Variants in TMEM132C observed in about 807,000 individuals in gnomAD.
TMEM132C encodes the protein protein phosphatase 1, regulatory subunit 152.
TMEM132C carries 29 observed loss-of-function variants against 61.4 expected under a neutral mutation model. The ratio of observed to expected loss-of-function variants is 0.47; its 90% CI spans 0.35 to 0.64. The LOEUF is 0.64. Ranked by LOEUF, TMEM132C falls within the 30% of genes least tolerant of loss-of-function variation. TMEM132C has a pLI of 0.00. For synonymous variants in TMEM132C, 656 were observed against 633.1 expected (o/e 1.04, Z -0.54); for missense variants, 1,408 against 1,476.9 (o/e 0.95, Z 0.76).
intron 3 of TMEM132C, among the ~76,000 whole-genome samples, chr12:128,545,265 C>T (rs1012897936): frequency 2.0e-5 from 3 of 152,180 alleles, no homozygotes; most frequent in Admixed American, 2.0e-4. Context: ...GGATAATGGC[C>T]TCCAGCTGCA....
intron 1 of TMEM132C, among the ~76,000 whole-genome samples, chr12:128,315,452 C>T (rs976925840): frequency 1.3e-5 from 2 of 152,000 alleles, no homozygotes; most frequent in African/African-American, 2.4e-5. Context: ...GAAAACCGCG[C>T]CATTTCAGAT....
chr12:128,698,855 A>C (rs1373250959), intron 8 of TMEM132C, among the ~76,000 whole-genome samples: 2 of 152,182 alleles, frequency 1.3e-5, no homozygotes, highest in African/African-American at 2.4e-5. Context: ...TGTGGCTGGG[A>C]CAGGCGACAG....
chr12:128,663,285 G>A (rs190809476), intron 4 of TMEM132C, among the ~76,000 whole-genome samples: 81 of 152,258 alleles, frequency 5.3e-4, no homozygotes, highest in Admixed American at 1.4e-3. Context: ...CACTAATGCC[G>A]TTCTGTCTGC....
At chr12:128,508,778 G>T (rs370763155) in intron 2 of TMEM132C, among the ~76,000 whole-genome samples, 8 of 152,112 alleles carry the variant, frequency 5.3e-5, no homozygotes, top group East Asian at 3.9e-4. Context: ...GTTGACACCC[G>T]TGCTCCCTCC....
intron 3 of TMEM132C, among the ~76,000 whole-genome samples, chr12:128,568,484 GTGGACTGGGCATTAT>G (rs1409739083): frequency 2.0e-5 from 3 of 152,120 alleles, no homozygotes; most frequent in Admixed American, 6.5e-5. Flanking sequence ...TGTACTTGCC[GTGGACTGGGCATTAT>G]TCTAAGCACT....
At chr12:128,407,188 A>T (rs1875374255) in intron 1 of TMEM132C, among the ~76,000 whole-genome samples, 1 of 152,184 alleles carries the variant, frequency 6.6e-6, no homozygotes, top group Non-Finnish European at 1.5e-5. Flanking sequence ...GATAGTGAAT[A>T]AGTCTCACAA....
Position 128,570,622 on chromosome 12 carries a change from G to A in TMEM132C, c.1121+26519G>A, listed in dbSNP as rs112049763. On this transcript the variant is annotated intron_variant, in intron 3 of 8. Coordinates refer to ENST00000435159, the MANE Select transcript of TMEM132C (RefSeq NM_001136103.3). The surrounding 1 kb of genome is among the most constrained non-coding windows in gnomAD (Gnocchi z 4.7). ...GTGGCTGGCTCAGTGTCTCCACAAC[G>A]CCAGGGGACCCAGGCTCCTTTTCTC... Among the ~76,000 whole-genome samples the A allele has an allele frequency of 1.3e-5, 2 of 151,884 alleles. No homozygotes were observed. The highest frequency in any genetic ancestry group is 2.4e-5 in the African/African-American group (1 of 41,322).
chr12:128,670,742 G>A (rs1243424311), intron 5 of TMEM132C, among the ~76,000 whole-genome samples: 4 of 152,142 alleles, frequency 2.6e-5, no homozygotes, highest in Non-Finnish European at 5.9e-5. Context: ...AGCTAAGCAG[G>A]TAACTTCAAT....
intron 2 of TMEM132C, among the ~76,000 whole-genome samples, chr12:128,460,374 A>G (rs894575808): frequency 1.3e-5 from 2 of 152,202 alleles, no homozygotes; most frequent in African/African-American, 4.8e-5. Flanking sequence ...GGTGGCCACC[A>G]GCAAATCCAG....
intron 1 of TMEM132C, among the ~76,000 whole-genome samples, chr12:128,321,314 G>A (rs1872326358): frequency 1.3e-5 from 2 of 152,138 alleles, no homozygotes; most frequent in Admixed American, 1.3e-4. Context: ...GGAGGAAACT[G>A]TCGATACTCA....
chr12:128,544,278 C>G (rs1873871045), intron 3 of TMEM132C, among the ~76,000 whole-genome samples, 175 bp downstream of exon 3: 2 of 152,360 alleles, frequency 1.3e-5, no homozygotes, highest in Middle Eastern at 3.4e-3. Flanking sequence ...GCCTCTGCAG[C>G]AGGGCGGGGT....
intron 2 of TMEM132C, among the ~76,000 whole-genome samples, chr12:128,423,437 G>C (rs1002298302): frequency 6.6e-6 from 1 of 152,218 alleles, no homozygotes; most frequent in African/African-American, 2.4e-5. Context: ...AAACAAACAG[G>C]ATGAAGGGTG....
At chr12:128,506,873 C>T (rs185232715) in intron 2 of TMEM132C, among the ~76,000 whole-genome samples, 72 of 152,276 alleles carry the variant, frequency 4.7e-4, no homozygotes, top group Non-Finnish European at 9.3e-4. Flanking sequence ...GAGTGCTGGA[C>T]GGTGTGACCA....
At chr12:128,385,466 G>T (rs190230689) in intron 1 of TMEM132C, among the ~76,000 whole-genome samples, 3 of 152,068 alleles carry the variant, frequency 2.0e-5, no homozygotes, top group African/African-American at 7.2e-5. Flanking sequence ...TCAAGTCCTC[G>T]CACAGAGCCT....
chr12:128,526,555 G>A (rs1873093052), intron 2 of TMEM132C, among the ~76,000 whole-genome samples: 1 of 152,206 alleles, frequency 6.6e-6, no homozygotes, highest in Non-Finnish European at 1.5e-5. Context: ...TCCGACTATA[G>A]CATCCTTCCG....
intron 3 of TMEM132C, among the ~76,000 whole-genome samples, chr12:128,589,056 G>A (rs919496973): frequency 3.3e-5 from 5 of 152,218 alleles, no homozygotes; most frequent in Admixed American, 2.0e-4. Context: ...AAAGCAGTAT[G>A]ACCAACGACC....
chr12:128,384,806 A>T (rs945782386), intron 1 of TMEM132C, among the ~76,000 whole-genome samples: 21 of 152,212 alleles, frequency 1.4e-4, no homozygotes, highest in African/African-American at 5.1e-4. Context: ...ACTTTCAAGT[A>T]AGTATCCACC....
At chr12:128,380,034 T>G (rs911117725) in intron 1 of TMEM132C, among the ~76,000 whole-genome samples, 5 of 152,254 alleles carry the variant, frequency 3.3e-5, no homozygotes, top group African/African-American at 1.2e-4. Context: ...GAGCTTAATC[T>G]CTCCATGCCT....
chr12:128,702,687 G>A (rs953559838), intron 8 of TMEM132C, among the ~76,000 whole-genome samples: 2 of 152,168 alleles, frequency 1.3e-5, no homozygotes, highest in African/African-American at 4.8e-5. Flanking sequence ...CTCCCAATTC[G>A]CATACCACAG....
Sources: gnomAD v4.1 joint callset for allele counts (sites outside exome capture counted in the v4.1 genomes callset) on GRCh38, gnomAD v4.1.1 for gene constraint, Gnocchi (gnomAD v3.1) non-coding constraint, MANE v1.5 for transcripts, NCBI Gene and HGNC (gene_info 2026-07-23, HGNC 2026-07-21) for gene names.